Variants in CCDC25 observed in about 807,000 individuals in gnomAD.
The protein encoded by CCDC25 is coiled-coil domain containing 25, also known as coiled-coil domain-containing protein 25.
Under a neutral mutation model 35.3 loss-of-function variants are expected in CCDC25, and 16 were observed. The ratio of observed to expected loss-of-function variants is 0.45; its 90% CI spans 0.31 to 0.69. The LOEUF is 0.69. Ranked by LOEUF, CCDC25 falls within the 30% of genes least tolerant of loss-of-function variation. The pLI is 0.06. For missense variants in CCDC25, 179 were observed against 250.7 expected (o/e 0.71, Z 1.93); for synonymous variants, 79 against 80.3 (o/e 0.98, Z 0.09).
Position 27,749,315 on chromosome 8 carries a change from A to C in CCDC25, c.245-717T>G, listed in dbSNP as rs117179596. On this transcript the variant is annotated intron_variant, in intron 5 of 8. Coordinates refer to ENST00000356537, the MANE Select transcript of CCDC25 (RefSeq NM_018246.3). The stretch of plus-strand genomic sequence containing the variant: ...TCTGACACTCTCTCTGGTCCTTCCA[A>C]ATTAGATGGCAAGGGATTTCAATGC... Among the ~76,000 whole-genome samples, 215 of 152,278 alleles carry C rather than the reference A, an allele frequency of 1.4e-3. 3 individuals are homozygous for C. The East Asian group carries it at 0.029, about 20-fold the overall frequency.
Position 27,748,121 on chromosome 8 carries a change from T to A in CCDC25, c.507A>T (p.Arg169Ser). ...KKAQIQEMKK[R>S]EKEEMKKKRE... ...TCTTCTTCTTCATTTCTTCTTTTTC[T>A]CTCTTTTTCATTTCCTGAATTTGGG... Residue 169 changes from arginine (R) to serine (S), a missense_variant, in exon 7 of 9, where the codon AGA (arginine) becomes AGT (serine). Physicochemically the swap from Arg to Ser is moderately radical, Grantham distance 110 (BLOSUM62 -1). Transcript: ENST00000356537. 1.9e-6 allele frequency: 3 copies of A among 1,612,962 alleles called. No homozygotes were observed. Among genetic ancestry groups the A allele is most frequent in the Non-Finnish European group, 1.7e-6 (2 of 1,179,820 alleles).
At chr8:27,767,683 C>A (rs553760637) in intron 1 of CCDC25, among the ~76,000 whole-genome samples, 1 of 152,126 alleles carries the variant, frequency 6.6e-6, no homozygotes, top group Non-Finnish European at 1.5e-5. Flanking sequence ...CTAATGGGTA[C>A]GGAATAAAGC....
chr8:27,761,104 C>T lies in CCDC25; in HGVS notation c.116+1315G>A, dbSNP rs148882998. 4.0e-5 allele frequency among the ~76,000 whole-genome samples: 6 copies of T among 151,632 alleles called. No individual in the cohort carries two copies. In the East Asian group the frequency reaches 1.2e-3, roughly 29 times the overall value. On this transcript the variant is annotated intron_variant, in intron 3 of 8. Coordinates refer to ENST00000356537, the MANE Select transcript of CCDC25 (RefSeq NM_018246.3). Reference sequence around the variant, plus strand: ...AGATCGCACCATTGCACTCCAGCCTCGGCAACAAGGGCGAAACTCCGTCTC... The same window carrying T: ...AGATCGCACCATTGCACTCCAGCCTTGGCAACAAGGGCGAAACTCCGTCTC...
At chr8:27,764,047 T>C (rs986180396) in intron 2 of CCDC25, among the ~76,000 whole-genome samples, 1 of 152,204 alleles carries the variant, frequency 6.6e-6, no homozygotes, top group African/African-American at 2.4e-5. Flanking sequence ...AGAACAGACC[T>C]GAAAGCTTTT....
intron 5 of CCDC25, 86 bp downstream of exon 5, chr8:27,752,426 T>C: frequency 9.5e-7 from 1 of 1,050,828 alleles, no homozygotes; most frequent in South Asian, 1.4e-5. Context: ...GAGGCCAAAG[T>C]CAACAGCATG....
chr8:27,740,114 A>C (rs924580036), intron 8 of CCDC25, among the ~76,000 whole-genome samples: 4 of 149,548 alleles, frequency 2.7e-5, no homozygotes, highest in African/African-American at 9.7e-5. Context: ...TATGGACTCT[A>C]CAGTCACAGT....
intron 3 of CCDC25, 141 bp from the exon 4 acceptor site, chr8:27,756,911 C>T: frequency 1.6e-6 from 1 of 634,540 alleles, no homozygotes; most frequent in Non-Finnish European, 2.9e-6. Context: ...GTATAAAGCA[C>T]AGTCACCACC....
At chr8:27,752,674 C>G (rs1389326250) in intron 4 of CCDC25, 87 bp from the exon 5 acceptor site, 2 of 942,300 alleles carry the variant, frequency 2.1e-6, no homozygotes, top group Admixed American at 3.7e-5. Flanking sequence ...GCCTTACCTA[C>G]TAGGCATGAT....
intron 7 of CCDC25, among the ~76,000 whole-genome samples, chr8:27,746,148 T>C (rs56908489): frequency 0.044 from 6,728 of 152,312 alleles, 217 homozygotes; most frequent in African/African-American, 0.087. Context: ...AATTACTTGA[T>C]TGATTTATAT....
Position 27,752,826 on chromosome 8 carries a change from CA to C in CCDC25, c.169-240del, listed in dbSNP as rs140102479. 4.3e-4 allele frequency: 98 copies of C among 229,742 alleles called. No individual in the cohort carries two copies. The Middle Eastern group carries it at 4.9e-3, about 11-fold the overall frequency. The allele number at this position is 229,742 out of a possible 1,614,324, so 14.2% of individuals were successfully genotyped here. A position where few individuals can be genotyped will look rare whatever the true frequency, so the allele number is the denominator to read the frequency against. ...ACTTAATAAGTAAAAAAAAAAAAAG[CA>C]AAAAAAAACAGGAAATGAAAAAAAC... On this transcript the variant is annotated intron_variant, in intron 4 of 8. Coordinates refer to ENST00000356537, the MANE Select transcript of CCDC25 (RefSeq NM_018246.3).
intron 7 of CCDC25, among the ~76,000 whole-genome samples, chr8:27,745,384 C>T (rs1243133581): frequency 6.6e-6 from 1 of 152,146 alleles, no homozygotes; most frequent in African/African-American, 2.4e-5. Context: ...TGTTATTCAC[C>T]CATCCTCTTT....
chr8:27,759,595 C>T (rs571463019), intron 3 of CCDC25, among the ~76,000 whole-genome samples: 16 of 117,944 alleles, frequency 1.4e-4, no homozygotes, highest in East Asian at 2.5e-4. Context: ...GGAGACAGAG[C>T]GAGACTCTGT....
At chr8:27,764,819 T>C (rs1804344807) in intron 2 of CCDC25, among the ~76,000 whole-genome samples, 1 of 152,246 alleles carries the variant, frequency 6.6e-6, no homozygotes, top group Non-Finnish European at 1.5e-5. Context: ...TTCGACAGCA[T>C]TTACTATTCA....
At chr8:27,771,218 C>A (rs1804602289) in intron 1 of CCDC25, among the ~76,000 whole-genome samples, 2 of 152,162 alleles carry the variant, frequency 1.3e-5, no homozygotes, top group South Asian at 4.1e-4. Context: ...CAGCAACGTG[C>A]TGTACAAGTT....
At chr8:27,755,319 C>T (rs1008285210) in intron 4 of CCDC25, among the ~76,000 whole-genome samples, 3 of 152,166 alleles carry the variant, frequency 2.0e-5, no homozygotes, top group African/African-American at 4.8e-5. Flanking sequence ...CACGGGAGCC[C>T]GCTGAAAGAG....
At chr8:27,759,604 G>A (rs1804144441) in intron 3 of CCDC25, among the ~76,000 whole-genome samples, 2 of 58,554 alleles carry the variant, frequency 3.4e-5, no homozygotes, top group African/African-American at 6.2e-5. Flanking sequence ...GCGAGACTCT[G>A]TCTCAAAAAA....
chr8:27,749,271 A>G (rs1470190487), intron 5 of CCDC25, among the ~76,000 whole-genome samples: 5 of 152,084 alleles, frequency 3.3e-5, no homozygotes, highest in African/African-American at 9.7e-5. Context: ...AGCTCTGGAA[A>G]TCGCAGTTTA....
intron 1 of CCDC25, among the ~76,000 whole-genome samples, chr8:27,767,944 G>A (rs930047210): frequency 6.6e-6 from 1 of 152,174 alleles, no homozygotes; most frequent in Non-Finnish European, 1.5e-5. Flanking sequence ...GCTCACGTCT[G>A]TAATCCCACC....
chr8:27,766,531 CTA>C (rs1362108883), intron 1 of CCDC25, among the ~76,000 whole-genome samples: 3 of 152,114 alleles, frequency 2.0e-5, no homozygotes, highest in African/African-American at 7.2e-5. Flanking sequence ...AAATGCTTGT[CTA>C]TTATTGAGCA....
Sources: allele counts gnomAD v4.1 joint callset (sites outside exome capture counted in the v4.1 genomes callset), GRCh38; gene constraint gnomAD v4.1.1; transcripts MANE v1.5; gene names NCBI Gene and HGNC (gene_info 2026-07-23, HGNC 2026-07-21).